Variants in MREG observed in about 807,000 individuals in gnomAD.
MREG encodes melanoregulin.
In MREG, 31 loss-of-function variants were observed where a neutral mutation model predicts 28.5. That is an observed-to-expected ratio of 1.09 (90% CI 0.82 to 1.47). The LOEUF (loss-of-function observed/expected upper bound fraction) is 1.47. MREG is among the 40% of genes most tolerant of loss of function. The pLI is 0.00. For synonymous variants in MREG, 106 were observed against 95.2 expected, an observed-to-expected ratio of 1.11 and a Z score of -0.66; for missense variants, 256 against 257.4, an observed-to-expected ratio of 0.99 and a Z score of 0.04.
chr2:215,960,285 T>C (rs558497987), intron 2 of MREG, among the ~76,000 whole-genome samples: 1 of 152,302 alleles, frequency 6.6e-6, no homozygotes, highest in East Asian at 1.9e-4. Flanking sequence ...GTATCTATAA[T>C]GTCTCCTTTA....
In MREG at chr2:215,943,215, C is replaced by T; in HGVS notation, c.*1648G>A. 3.5e-6 allele frequency: 1 copy of T among 285,072 alleles called. No individual in the cohort carries two copies. Among genetic ancestry groups the T allele is most frequent in the Non-Finnish European group, 7.1e-6 (1 of 141,114 alleles). The allele number at this position is 285,072 out of a possible 1,614,324, so 17.7% of individuals were successfully genotyped here. On this transcript the variant is annotated 3_prime_UTR_variant, in exon 5 of 5. Coordinates refer to ENST00000263268, the MANE Select transcript of MREG (RefSeq NM_018000.3). The stretch of plus-strand genomic sequence containing the variant: ...TTTTCTCAGCAATCTATGGATTAAC[C>T]TTACAAATCCTTAAAGTCTTTTCAG...
At chr2:216,014,809 T>C (rs942881545), upstream of MREG, among the ~76,000 whole-genome samples, 1 of 152,144 alleles carries the variant, frequency 6.6e-6, no homozygotes, top group African/African-American at 2.4e-5. Flanking sequence ...CAGCAACATA[T>C]GAAAGTATCT....
At chr2:215,986,911 A>G (rs911957967) in intron 2 of MREG, among the ~76,000 whole-genome samples, 1 of 152,226 alleles carries the variant, frequency 6.6e-6, no homozygotes, top group African/African-American at 2.4e-5. Flanking sequence ...CACAATTCCA[A>G]CATTTCAAAT....
chr2:215,949,300 C>T (rs1692421402), intron 2 of MREG, among the ~76,000 whole-genome samples: 1 of 151,022 alleles, frequency 6.6e-6, no homozygotes, highest in Admixed American at 6.6e-5. Flanking sequence ...TGGCTCATGC[C>T]TATAATCCCA....
intron 2 of MREG, among the ~76,000 whole-genome samples, chr2:215,961,400 G>C (rs1692784377): frequency 6.6e-6 from 1 of 151,982 alleles, no homozygotes; most frequent in South Asian, 2.1e-4. Context: ...TAGCTTCTAG[G>C]TATCAGATTC....
intron 1 of MREG, among the ~76,000 whole-genome samples, chr2:216,023,782 C>T (rs1694558165): frequency 6.6e-6 from 1 of 152,120 alleles, no homozygotes; most frequent in African/African-American, 2.4e-5. Flanking sequence ...ATTCTCCTGC[C>T]CCAGCCTCCT....
intron 1 of MREG, 70 bp downstream of exon 1, chr2:216,013,163 G>T (rs1336502503): frequency 2.9e-6 from 4 of 1,360,510 alleles, no homozygotes; most frequent in Non-Finnish European, 4.1e-6. Context: ...CAAGCACACA[G>T]GTGTCCACAC....
downstream of MREG, among the ~76,000 whole-genome samples, chr2:215,941,524 G>T (rs1038515852): frequency 2.0e-5 from 3 of 152,142 alleles, no homozygotes; most frequent in Admixed American, 1.3e-4. Context: ...CCCTTCCCCA[G>T]TGTACAGTTA....
chr2:215,998,292 C>CAAA, intron 1 of MREG, among the ~76,000 whole-genome samples: 1 of 140,732 alleles, frequency 7.1e-6, no homozygotes. Context: ...GCGACAAGAG[C>CAAA]AAAACTCCAT....
At chr2:215,999,512 A>G (rs1344697) in intron 1 of MREG, among the ~76,000 whole-genome samples, 86,342 of 152,082 alleles carry the variant, frequency 0.57, 24,786 homozygotes, top group Admixed American at 0.62. Flanking sequence ...AACCACAACC[A>G]GAGCAGCTTC....
chr2:215,964,237 A>C (rs1419093420), intron 2 of MREG, among the ~76,000 whole-genome samples: 2 of 152,194 alleles, frequency 1.3e-5, no homozygotes, highest in African/African-American at 4.8e-5. Context: ...TAATCTCAGC[A>C]CTTTGGGAGG....
At position 215,965,443 on chromosome 2, in the gene MREG, T is replaced by C. The variant is rs561364177; in HGVS notation, c.256-18330A>G. Among the ~76,000 whole-genome samples the C allele has an allele frequency of 4.6e-5, 7 of 152,130 alleles. No homozygotes were observed. In the East Asian group the frequency reaches 5.8e-4, roughly 13 times the overall value. On this transcript the variant is annotated intron_variant, in intron 2 of 4. Coordinates refer to ENST00000263268, the MANE Select transcript of MREG (RefSeq NM_018000.3). ...GCAGAGTTGAGGTCATCTTGTGGGA[T>C]AGGGGAGAACATTCAGCAGAGATAG... is the stretch of plus-strand genomic sequence containing the variant.
chr2:215,971,868 C>A (rs1391554093), intron 2 of MREG, among the ~76,000 whole-genome samples: 1 of 152,216 alleles, frequency 6.6e-6, no homozygotes, highest in Non-Finnish European at 1.5e-5. Context: ...TGTGTTTCAA[C>A]ATCAACCAAG....
intron 3 of MREG, 122 bp downstream of exon 3, chr2:215,946,901 T>A: frequency 3.1e-6 from 2 of 651,790 alleles, no homozygotes; most frequent in Non-Finnish European, 5.4e-6. Flanking sequence ...GAATAATTAG[T>A]ACACAGTAGT....
chr2:215,957,200 G>C (rs1559176288), intron 2 of MREG, among the ~76,000 whole-genome samples: 2 of 152,182 alleles, frequency 1.3e-5, no homozygotes, highest in Admixed American at 6.5e-5. Context: ...GCCTGAGGAG[G>C]AACTAGGAAA....
chr2:216,013,672 C>G (rs1237240182), upstream of MREG: 1 of 152,372 alleles, frequency 6.6e-6, no homozygotes, highest in Non-Finnish European at 1.5e-5. Context: ...TCCTCAAAAT[C>G]CCAGGGCACC....
intron 1 of MREG, among the ~76,000 whole-genome samples, chr2:215,998,524 G>A (rs1262852689): frequency 5.3e-5 from 8 of 152,090 alleles, no homozygotes; most frequent in Non-Finnish European, 1.0e-4. Context: ...GTCTGGGACT[G>A]AACAAAGTAC....
chr2:215,967,570 T>C (rs1692976541), intron 2 of MREG, among the ~76,000 whole-genome samples: 2 of 152,190 alleles, frequency 1.3e-5, no homozygotes, highest in Non-Finnish European at 2.9e-5. Context: ...GTATAAGAAG[T>C]CTTCCTTAAA....
chr2:215,957,679 C>A (rs183904228), intron 2 of MREG, among the ~76,000 whole-genome samples: 1 of 152,034 alleles, frequency 6.6e-6, no homozygotes, highest in Non-Finnish European at 1.5e-5. Context: ...TGAGAAATCC[C>A]CAGGAAGACT....
Sources: allele counts gnomAD v4.1 joint callset (sites outside exome capture counted in the v4.1 genomes callset), GRCh38; gene constraint gnomAD v4.1.1; transcripts MANE v1.5; gene names NCBI Gene and HGNC (gene_info 2026-07-23, HGNC 2026-07-21).